Variants in EXD3 observed in about 807,000 individuals in gnomAD.
The protein encoded by EXD3 is exonuclease mut-7 homolog.
A neutral mutation model predicts 98.0 loss-of-function variants in EXD3; 92 were observed. That is an observed-to-expected ratio of 0.94 (90% CI 0.79 to 1.12). The LOEUF (loss-of-function observed/expected upper bound fraction) is 1.12. Among genes scored for constraint, EXD3 ranks in the 50% most tolerant of loss-of-function variants. EXD3 has a pLI of 0.00. For missense variants in EXD3, 1,222 were observed against 1,191.6 expected, an observed-to-expected ratio of 1.03 and a Z score of -0.38; for synonymous variants, 569 against 526.0, an observed-to-expected ratio of 1.08 and a Z score of -1.12.
At chr9:137,414,471 T>C (rs61020405) in intron 1 of EXD3, among the ~76,000 whole-genome samples, 2,785 of 152,130 alleles carry the variant, frequency 0.018, 75 homozygotes, top group African/African-American at 0.063. Context: ...GGACACACAT[T>C]CCTAGGACTG....
intron 7 of EXD3, 22 bp from the exon 8 acceptor site, chr9:137,356,390 G>A: frequency 1.4e-6 from 2 of 1,430,606 alleles, no homozygotes; most frequent in Non-Finnish European, 1.9e-6. Context: ...GAGAGGCACA[G>A]CCTCTGTTGC....
At chr9:137,374,466 G>A (rs1022016587) in intron 3 of EXD3, 5 of 729,568 alleles carry the variant, frequency 6.9e-6, no homozygotes, top group East Asian at 1.3e-4. Flanking sequence ...TGCTCTCCAC[G>A]GGGCTCCAGG....
intron 17 of EXD3, among the ~76,000 whole-genome samples, chr9:137,328,917 C>G (rs1195632714): frequency 1.8e-4 from 9 of 49,330 alleles, no homozygotes; most frequent in Admixed American, 1.7e-3. Flanking sequence ...CAGGGTCACA[C>G]GGGACTACAC....
intron 1 of EXD3, among the ~76,000 whole-genome samples, chr9:137,404,834 T>A (rs543841660): frequency 1.3e-5 from 2 of 150,256 alleles, no homozygotes; most frequent in African/African-American, 4.9e-5. Flanking sequence ...CACTCCAGCC[T>A]GGGCAACAAG....
chr9:137,388,148 T>C (rs1472935519), intron 2 of EXD3, among the ~76,000 whole-genome samples: 1 of 152,106 alleles, frequency 6.6e-6, no homozygotes, highest in African/African-American at 2.4e-5. Context: ...TGCTTCTCTC[T>C]GGGGGGCTGA....
Position 137,307,670 on chromosome 9 carries a change from G to C in EXD3, c.2279-24C>G, listed in dbSNP as rs373226602. On this transcript the variant is annotated intron_variant, in intron 20 of 21. Transcript: ENST00000340951. ...ACCTGTCAGTCAAGGAAGAGAGCTG[G>C]TCCGGGACTGTCCTAGGGATGGGGC... 670 of 1,607,064 alleles carry C rather than the reference G, an allele frequency of 4.2e-4. 1 individual carries two copies. Among genetic ancestry groups the C allele is most frequent in the Non-Finnish European group, 4.6e-4 (542 of 1,179,436 alleles).
rs1182141880 is a variant in EXD3 at position 137,347,845 on chromosome 9, G to C, written c.1998+226C>G. On this transcript the variant is annotated intron_variant, in intron 17 of 21. Transcript: ENST00000340951. The surrounding 1 kb of genome is among the most constrained non-coding windows in gnomAD (Gnocchi z 4.2). ...CTGATTAATAGTGTCAATTACATCT[G>C]TAAATTCCTTTTGTGGGACAATGAG... 6.6e-6 allele frequency among the ~76,000 whole-genome samples: 1 copy of C among 152,200 alleles called. No homozygotes were observed. Among genetic ancestry groups the C allele is most frequent in the Non-Finnish European group, 1.5e-5 (1 of 68,048 alleles).
Position 137,358,620 on chromosome 9 carries a change from CAA to C in EXD3, c.657-2254_657-2253del, listed in dbSNP as rs545210956. On this transcript the variant is annotated intron_variant, in intron 7 of 21. Coordinates refer to ENST00000340951, the MANE Select transcript of EXD3 (RefSeq NM_017820.5). ...TGAAATTTTTGTCTTCATTTTAAAG[CAA>C]AGAGGCAATAGATGCTTGTGTTTAA... Among the ~76,000 whole-genome samples the C allele has an allele frequency of 5.3e-3, 808 of 152,300 alleles. 8 individuals are homozygous for C. The highest frequency in any genetic ancestry group is 0.017 in the African/African-American group (714 of 41,556).
rs750349921 is a variant in EXD3, at chr9:137,393,366, G to A, written c.55+1937C>T. 35 of 652,986 alleles carry A rather than the reference G, an allele frequency of 5.4e-5. No homozygotes were observed. The highest frequency in any genetic ancestry group is 8.6e-5 in the Non-Finnish European group (31 of 359,352). 40.4% of individuals were successfully genotyped at this position (652,986 alleles called of 1,614,324 possible). On this transcript the variant is annotated intron_variant, in intron 2 of 21. Coordinates refer to ENST00000340951, the MANE Select transcript of EXD3 (RefSeq NM_017820.5). The surrounding 1 kb of genome is among the most constrained non-coding windows in gnomAD (Gnocchi z 4.6). ...AGGTGCAGGCCCGGGGCCCGCAGAT[G>A]GCCTCAGAGGAGGCGGTGGATGAAC...
At chr9:137,353,915 C>A in intron 10 of EXD3, 3 of 1,006,592 alleles carry the variant, frequency 3.0e-6, no homozygotes, top group Non-Finnish European at 3.6e-6. Context: ...ACGTGGAAGC[C>A]GCCCGCATTC....
At chr9:137,376,220 T>G (rs1835891073) in intron 3 of EXD3, among the ~76,000 whole-genome samples, 1 of 151,584 alleles carries the variant, frequency 6.6e-6, no homozygotes, top group African/African-American at 2.4e-5. Context: ...GGCGGGCGAC[T>G]GTAGTCCCAG....
chr9:137,401,823 G>C lies in EXD3; in HGVS notation c.-47-6419C>G, dbSNP rs556961913. The stretch of plus-strand genomic sequence containing the variant: ...CTCCAGGCCTATGATGGGAGGGGCT[G>C]CCATGAAGGTCTCTGACATGACCTG... On this transcript the variant is annotated intron_variant, in intron 1 of 21. Transcript: ENST00000340951. Among the ~76,000 whole-genome samples the C allele has an allele frequency of 2.4e-3, 367 of 152,330 alleles. 4 individuals are homozygous for C. Among genetic ancestry groups the C allele is most frequent in the African/African-American group, 8.4e-3 (349 of 41,570 alleles).
intron 7 of EXD3, chr9:137,365,277 T>C (rs926365202): frequency 2.0e-5 from 3 of 152,190 alleles, no homozygotes; most frequent in African/African-American, 7.3e-5. Context: ...TGGAGGAGGA[T>C]GGGCCCGGGA....
chr9:137,397,188 G>A (rs530906236), intron 1 of EXD3, among the ~76,000 whole-genome samples: 39 of 152,344 alleles, frequency 2.6e-4, no homozygotes, highest in East Asian at 3.9e-4. Context: ...GGCCACAGCC[G>A]AAGACCATGC....
chr9:137,381,886 C>G (rs1449082122), intron 3 of EXD3, among the ~76,000 whole-genome samples: 1 of 152,182 alleles, frequency 6.6e-6, no homozygotes, highest in Admixed American at 6.5e-5. Flanking sequence ...ATGTGGCATT[C>G]GCCAGCTTGC....
rs909081164 is a variant in EXD3 at position 137,399,632 on chromosome 9, T to C, written c.-47-4228A>G. On this transcript the variant is annotated intron_variant, in intron 1 of 21. Coordinates refer to ENST00000340951, the MANE Select transcript of EXD3 (RefSeq NM_017820.5). ...CATTTTCACGCTGCTGATAAAGACA[T>C]ACCTGAAACTGGGAACAAAAAGAGG... Among the ~76,000 whole-genome samples, 3 of 152,170 alleles carry C rather than the reference T, an allele frequency of 2.0e-5. No individual in the cohort carries two copies. In the South Asian group the frequency reaches 6.2e-4, roughly 32 times the overall value.
rs1836528814 is a variant in EXD3, at chr9:137,385,264, A to G, written c.56-1887T>C. ...AGAGGCTGAGAACACTCAAATGTCC[A>G]CTGTAGGAGGACGGAGCAAGTGCAT... On this transcript the variant is annotated intron_variant, in intron 2 of 21. Coordinates refer to ENST00000340951, the MANE Select transcript of EXD3 (RefSeq NM_017820.5). The surrounding 1 kb of genome is among the most constrained non-coding windows in gnomAD (Gnocchi z 4.4). Among the ~76,000 whole-genome samples the G allele has an allele frequency of 6.6e-6, 1 of 152,150 alleles. No homozygotes were observed. Among genetic ancestry groups the G allele is most frequent in the Non-Finnish European group, 1.5e-5 (1 of 68,038 alleles).
Position 137,366,102 on chromosome 9 carries a change from G to A in EXD3, c.656+391C>T, listed in dbSNP as rs531949136. 5.0e-5 allele frequency: 35 copies of A among 693,378 alleles called. No individual in the cohort carries two copies. In the African/African-American group the frequency reaches 6.1e-4, roughly 12 times the overall value. 43.0% of individuals were successfully genotyped at this position (693,378 alleles called of 1,614,324 possible). On this transcript the variant is annotated intron_variant, in intron 7 of 21. Coordinates refer to ENST00000340951, the MANE Select transcript of EXD3 (RefSeq NM_017820.5). ...GCACCATATGGGCTCCTTGTCAGGT[G>A]CTGCCTTTTCTCTGTAATTGCTGAC...
At chr9:137,353,636 G>C (rs1364380906) in intron 10 of EXD3, 1 of 985,862 alleles carries the variant, frequency 1.0e-6, no homozygotes, top group African/African-American at 1.7e-5. Context: ...AGGAGCAGAG[G>C]CACCTACAGG....
Sources: allele counts gnomAD v4.1 joint callset (sites outside exome capture counted in the v4.1 genomes callset), GRCh38; gene constraint gnomAD v4.1.1; non-coding constraint Gnocchi (gnomAD v3.1); transcripts MANE v1.5; gene names NCBI Gene and HGNC (gene_info 2026-07-23, HGNC 2026-07-21).